KDM4C: variants seen among roughly 807,000 people sequenced by gnomAD.
KDM4C encodes the protein lysine-specific demethylase 4C.
KDM4C carries 81 observed loss-of-function variants against 129.3 expected under a neutral mutation model. That is an observed-to-expected ratio of 0.63 (90% CI 0.52 to 0.75). KDM4C has a LOEUF of 0.75. Among genes scored for constraint, KDM4C ranks in the 30% least tolerant of loss-of-function variants. The pLI is 0.00. For missense variants in KDM4C, 1,457 were observed against 1,304.0 expected (o/e 1.12, Z -1.81); for synonymous variants, 573 against 456.1 (o/e 1.26, Z -3.26).
chr9:6,815,574 C>G (rs1030387782), intron 4 of KDM4C, among the ~76,000 whole-genome samples: 10 of 152,182 alleles, frequency 6.6e-5, no homozygotes, highest in African/African-American at 2.2e-4. Flanking sequence ...GCAATACACA[C>G]CTGGATACCA....
chr9:7,151,738 A>C (rs1220790700), intron 19 of KDM4C, among the ~76,000 whole-genome samples: 1 of 152,202 alleles, frequency 6.6e-6, no homozygotes, highest in Non-Finnish European at 1.5e-5. Flanking sequence ...GTTTCCCAGA[A>C]TGATTAGTGT....
chr9:7,042,262 C>A (rs1334888764), intron 15 of KDM4C, among the ~76,000 whole-genome samples: 2 of 151,966 alleles, frequency 1.3e-5, no homozygotes, highest in Non-Finnish European at 2.9e-5. Context: ...TTGAACCTGG[C>A]CATCTGCATT....
chr9:6,770,906 G>C (rs1007359335), intron 1 of KDM4C, among the ~76,000 whole-genome samples: 1 of 150,674 alleles, frequency 6.6e-6, no homozygotes. Context: ...CTCCAGAGTA[G>C]CTGGGACTAC....
chr9:7,099,839 CCTT>C (rs1836871579), intron 17 of KDM4C, among the ~76,000 whole-genome samples: 1 of 152,170 alleles, frequency 6.6e-6, no homozygotes, highest in African/African-American at 2.4e-5. Flanking sequence ...TGCTCTCTAA[CCTT>C]CTTTCATTCC....
At chr9:6,747,314 G>A (rs1030085780) in intron 1 of KDM4C, among the ~76,000 whole-genome samples, 3 of 151,528 alleles carry the variant, frequency 2.0e-5, no homozygotes, top group Non-Finnish European at 2.9e-5. Flanking sequence ...TTGGGAGGCC[G>A]AGAGGGGCGG....
intron 4 of KDM4C, among the ~76,000 whole-genome samples, chr9:6,823,287 G>A (rs1833339334): frequency 6.6e-6 from 1 of 152,120 alleles, no homozygotes; most frequent in South Asian, 2.1e-4. Flanking sequence ...GTCTTCAGTG[G>A]CCCCTTGGAA....
At chr9:7,061,886 A>G (rs1462746040) in intron 17 of KDM4C, among the ~76,000 whole-genome samples, 1 of 152,214 alleles carries the variant, frequency 6.6e-6, no homozygotes, top group African/African-American at 2.4e-5. Flanking sequence ...TTCTCCGTAC[A>G]TTACCCCTCA....
chr9:6,728,642 C>G (rs4742250), intron 1 of KDM4C, among the ~76,000 whole-genome samples: 13 of 150,986 alleles, frequency 8.6e-5, no homozygotes, highest in Non-Finnish European at 1.9e-4. Flanking sequence ...GTCAGGAGTT[C>G]GAGACCAGCC....
chr9:6,915,412 C>T (rs190639778), intron 8 of KDM4C, among the ~76,000 whole-genome samples: 2 of 152,182 alleles, frequency 1.3e-5, no homozygotes, highest in Non-Finnish European at 2.9e-5. Flanking sequence ...CTTCTCACTA[C>T]TACTGTGATG....
chr9:6,921,924 A>G (rs1473507215), intron 8 of KDM4C, among the ~76,000 whole-genome samples: 2 of 152,066 alleles, frequency 1.3e-5, no homozygotes, highest in East Asian at 1.9e-4. Context: ...CCCAATCTGC[A>G]TGGCTCGGTC....
At chr9:6,863,363 G>C (rs369129922) in intron 5 of KDM4C, among the ~76,000 whole-genome samples, 1 of 152,000 alleles carries the variant, frequency 6.6e-6, no homozygotes, top group African/African-American at 2.4e-5. Flanking sequence ...AATTTATAAA[G>C]AAAAAAGATT....
At chr9:7,079,854 A>T (rs1169110174) in intron 17 of KDM4C, among the ~76,000 whole-genome samples, 3 of 151,858 alleles carry the variant, frequency 2.0e-5, no homozygotes, top group East Asian at 1.9e-4. Context: ...TTTAACATGT[A>T]CTCTTTCCCA....
chr9:7,048,956 T>C (rs1457871570), intron 16 of KDM4C, 136 bp from the exon 17 acceptor site: 1 of 560,020 alleles, frequency 1.8e-6, no homozygotes, highest in Non-Finnish European at 3.2e-6. Context: ...CAGTTCAGAA[T>C]CTGTTTGTGA....
intron 4 of KDM4C, among the ~76,000 whole-genome samples, chr9:6,845,151 G>A (rs554717510): frequency 1.3e-5 from 2 of 152,332 alleles, no homozygotes; most frequent in East Asian, 3.9e-4. Context: ...CAGAGACTGA[G>A]TGCAGTTACT....
intron 12 of KDM4C, among the ~76,000 whole-genome samples, chr9:6,995,697 C>T (rs753182325): frequency 3.3e-5 from 5 of 151,284 alleles, no homozygotes; most frequent in African/African-American, 4.9e-5. Context: ...TTTGAGATGG[C>T]GTCTCGCACT....
At chr9:7,051,326 A>G (rs1290855195) in intron 17 of KDM4C, among the ~76,000 whole-genome samples, 1 of 152,136 alleles carries the variant, frequency 6.6e-6, no homozygotes, top group African/African-American at 2.4e-5. Context: ...TCAGGAAGGA[A>G]TCATCACCCT....
chr9:6,847,495 G>A (rs1838051762), intron 4 of KDM4C, among the ~76,000 whole-genome samples: 1 of 151,852 alleles, frequency 6.6e-6, no homozygotes, highest in Non-Finnish European at 1.5e-5. Flanking sequence ...TCCCGGGGCC[G>A]TTCTCCTGCC....
At chr9:7,146,658 C>T (rs1225423522) in intron 19 of KDM4C, among the ~76,000 whole-genome samples, 1 of 152,148 alleles carries the variant, frequency 6.6e-6, no homozygotes, top group Admixed American at 6.5e-5. Context: ...ACTACTCATT[C>T]CTTTGTTCCC....
upstream of KDM4C, chr9:6,757,927 G>C (rs1362662078): frequency 2.0e-6 from 2 of 985,278 alleles, no homozygotes; most frequent in African/African-American, 3.5e-5. Flanking sequence ...CTCACCAAGT[G>C]CGGGCCCCAG....
Sources: gnomAD v4.1 joint callset for allele counts (sites outside exome capture counted in the v4.1 genomes callset) on GRCh38, gnomAD v4.1.1 for gene constraint, MANE v1.5 for transcripts, NCBI Gene and HGNC (gene_info 2026-07-23, HGNC 2026-07-21) for gene names.